Variants in SORBS2 observed in about 807,000 individuals in gnomAD.
SORBS2 encodes sorbin and SH3 domain containing 2, also known as sorbin and SH3 domain-containing protein 2.
Under a neutral mutation model 97.7 loss-of-function variants are expected in SORBS2, and 46 were observed. The ratio of observed to expected loss-of-function variants is 0.47; its 90% confidence interval spans 0.37 to 0.60. The LOEUF (loss-of-function observed/expected upper bound fraction) is 0.60, where lower values mean the gene tolerates loss of function less well. SORBS2 is among the 20% of genes least tolerant of loss of function. The probability of loss-of-function intolerance (pLI) is 0.00; values close to 1 mark genes in which losing one functional copy is unlikely to be tolerated. For synonymous variants in SORBS2, 476 were observed against 473.4 expected (o/e 1.01, Z -0.07); for missense variants, 1,316 against 1,282.3 (o/e 1.03, Z -0.40).
rs1375632317 is a variant in SORBS2 at position 185,765,629 on chromosome 4, CA to C, written c.-198+9597del. ...AAGAGGTGGATCTCACCATGTGAGACAAAAAAACACGTGTGTGCCAATTCTA... is the reference window on the plus strand; with the variant it reads ...AAGAGGTGGATCTCACCATGTGAGACAAAAAACACGTGTGTGCCAATTCTA... On this transcript the variant is annotated intron_variant, in intron 2 of 20. Transcript: ENST00000284776. Among the ~76,000 whole-genome samples, 4 of 151,976 alleles carry C rather than the reference CA, an allele frequency of 2.6e-5. No individual in the cohort carries two copies. The East Asian group carries it at 5.8e-4, about 22-fold the overall frequency.
chr4:185,629,849 C>T (rs1196744649), intron 5 of SORBS2, among the ~76,000 whole-genome samples: 3 of 152,034 alleles, frequency 2.0e-5, no homozygotes, highest in East Asian at 1.9e-4. Flanking sequence ...CATGAGCCAC[C>T]GTGCCTGGCC....
intron 2 of SORBS2, among the ~76,000 whole-genome samples, chr4:185,751,482 T>C (rs936684848): frequency 1.3e-5 from 2 of 152,120 alleles, no homozygotes; most frequent in African/African-American, 4.8e-5. Flanking sequence ...ACAGGTATCC[T>C]TAGGCAAAGG....
intron 1 of SORBS2, among the ~76,000 whole-genome samples, chr4:185,894,081 C>T (rs1430253117): frequency 6.6e-6 from 1 of 152,192 alleles, no homozygotes; most frequent in Non-Finnish European, 1.5e-5. Flanking sequence ...TCTCCAGCCC[C>T]TCTGAATACC....
exon 5 of SORBS2, chr4:185,662,105 G>T: frequency 6.2e-7 from 1 of 1,614,040 alleles, no homozygotes; most frequent in South Asian, 1.1e-5. Flanking sequence ...ATTACTTACC[G>T]AGGGATGTGC....
Position 185,646,658 on chromosome 4 carries a change from A to G in SORBS2, c.396+10T>C. On this transcript the variant is annotated intron_variant, in intron 4 of 14. Coordinates refer to ENST00000418609, the Ensembl canonical transcript of SORBS2. Reference sequence around the variant, plus strand: ...GAGCTGGCATATTCTGTTTAATGACAAGTGCTTACTGGTCTTTCATGCTGA... The same window carrying G: ...GAGCTGGCATATTCTGTTTAATGACGAGTGCTTACTGGTCTTTCATGCTGA... 1.3e-6 allele frequency: 2 copies of G among 1,552,570 alleles called. No individual in the cohort carries two copies. The highest frequency in any genetic ancestry group is 1.8e-6 in the Non-Finnish European group (2 of 1,123,848).
chr4:185,646,641 A>G, intron 4 of SORBS2, 27 bp downstream of exon 13: 1 of 1,434,332 alleles, frequency 7.0e-7, no homozygotes, highest in Non-Finnish European at 9.8e-7. Flanking sequence ...GCGAGCTGGC[A>G]TATTCTGTTT....
At chr4:185,902,883 A>G (rs2099248476) in intron 1 of SORBS2, among the ~76,000 whole-genome samples, 1 of 152,146 alleles carries the variant, frequency 6.6e-6, no homozygotes, top group African/African-American at 2.4e-5. Context: ...TGTTAATTCT[A>G]TGGCAAAGTA....
intron 2 of SORBS2, among the ~76,000 whole-genome samples, chr4:185,724,331 T>TA (rs55986616): frequency 9.4e-4 from 138 of 147,492 alleles, no homozygotes; most frequent in Non-Finnish European, 5.7e-4. Context: ...CCCAGAGAGT[T>TA]AAAAAAAAAA....
intron 1 of SORBS2, among the ~76,000 whole-genome samples, chr4:185,837,913 C>T (rs1479982114): frequency 6.6e-6 from 1 of 151,114 alleles, no homozygotes; most frequent in African/African-American, 2.4e-5. Flanking sequence ...GCTGCTTGGG[C>T]CAGTCCCACC....
chr4:185,641,712 G>A (rs978198599), intron 4 of SORBS2, among the ~76,000 whole-genome samples: 6 of 151,214 alleles, frequency 4.0e-5, no homozygotes, highest in Admixed American at 3.3e-4. Context: ...ATACTGATAT[G>A]CATCTTTCTA....
Position 185,702,020 on chromosome 4 carries a change from C to T in SORBS2, c.-197-23198G>A, listed in dbSNP as rs541519338. ...TCCTGACCTCCTGATCCACCCACCT[C>T]GGCCTCCCAAAGTGCTAGGATTACA... On this transcript the variant is annotated intron_variant, in intron 2 of 20. Transcript: ENST00000284776. Among the ~76,000 whole-genome samples, 25 of 152,284 alleles carry T rather than the reference C, an allele frequency of 1.6e-4. No homozygotes were observed. In the South Asian group the frequency reaches 3.7e-3, roughly 23 times the overall value.
At chr4:185,587,929 A>C in intron 14 of SORBS2, 2 of 448,766 alleles carry the variant, frequency 4.5e-6, no homozygotes, top group Non-Finnish European at 8.0e-6. Flanking sequence ...CAGGCTAAAC[A>C]GAAATGCTGA....
At chr4:185,886,224 C>T (rs886756148) in intron 1 of SORBS2, among the ~76,000 whole-genome samples, 5 of 151,950 alleles carry the variant, frequency 3.3e-5, no homozygotes, top group South Asian at 2.1e-4. Flanking sequence ...GTGAGGTGGG[C>T]GGCAGAAAGG....
At chr4:185,694,716 C>CTTTTTTTTTTTTTTTTTTTTTTTTTTT (rs201496948) in intron 2 of SORBS2, among the ~76,000 whole-genome samples, 1 of 132,104 alleles carries the variant, frequency 7.6e-6, no homozygotes, top group Non-Finnish European at 1.6e-5. Context: ...CTTTTCTTTT[C>CTTTTTTTTTTTTTTTTTTTTTTTTTTT]TTTTTTTTGA....
chr4:185,597,355 G>A (rs75766268), intron 12 of SORBS2, among the ~76,000 whole-genome samples: 12,313 of 151,996 alleles, frequency 0.081, 987 homozygotes, highest in African/African-American at 0.2. Context: ...AAAGGTGTCC[G>A]TCATCAGTTT....
intron 8 of SORBS2, among the ~76,000 whole-genome samples, chr4:185,619,281 T>A (rs1423732629): frequency 1.3e-5 from 2 of 152,178 alleles, no homozygotes; most frequent in Non-Finnish European, 2.9e-5. Context: ...AGGTACCCTG[T>A]ACCCTATAGC....
chr4:185,839,183 A>G (rs2099210025), intron 1 of SORBS2, among the ~76,000 whole-genome samples: 1 of 152,224 alleles, frequency 6.6e-6, no homozygotes, highest in Admixed American at 6.5e-5. Context: ...AAACTTGCAG[A>G]GGGGAGCTAA....
At chr4:185,856,559 T>A (rs1015549759) in intron 1 of SORBS2, among the ~76,000 whole-genome samples, 2 of 152,196 alleles carry the variant, frequency 1.3e-5, no homozygotes, top group African/African-American at 2.4e-5. Flanking sequence ...TAACTTTTTT[T>A]AAAAAAGGAT....
At chr4:185,892,942 A>G (rs1386560802) in intron 1 of SORBS2, among the ~76,000 whole-genome samples, 1 of 152,184 alleles carries the variant, frequency 6.6e-6, no homozygotes, top group African/African-American at 2.4e-5. Flanking sequence ...AGAAAATGAG[A>G]ATGGGGAGAA....
Sources: gnomAD v4.1 joint callset for allele counts (sites outside exome capture counted in the v4.1 genomes callset) on GRCh38, gnomAD v4.1.1 for gene constraint, MANE v1.5 for transcripts, NCBI Gene and HGNC (gene_info 2026-07-23, HGNC 2026-07-21) for gene names.